Variants in RTKN2 observed in about 807,000 individuals in gnomAD.
The protein encoded by RTKN2 is rhotekin-2.
Under a neutral mutation model 71.5 loss-of-function variants are expected in RTKN2, and 69 were observed. The ratio of observed to expected loss-of-function variants is 0.96; its 90% CI spans 0.79 to 1.18. The LOEUF (loss-of-function observed/expected upper bound fraction) is 1.18, where lower values mean the gene tolerates loss of function less well. RTKN2 is among the 50% of genes most tolerant of loss of function. The pLI, the probability that RTKN2 is intolerant of heterozygous loss-of-function variation, is 0.00. For synonymous variants in RTKN2, 236 were observed against 236.5 expected, an observed-to-expected ratio of 1.00 and a Z score of 0.02; for missense variants, 724 against 719.7, an observed-to-expected ratio of 1.01 and a Z score of -0.07.
intron 8 of RTKN2, among the ~76,000 whole-genome samples, chr10:62,186,121 T>TG (rs943860073): frequency 6.6e-6 from 1 of 152,232 alleles, no homozygotes; most frequent in Non-Finnish European, 1.5e-5. Flanking sequence ...GGGAGGGAGC[T>TG]GGGCTATCGT....
At chr10:62,212,792 T>C (rs1028915588) in intron 9 of RTKN2, among the ~76,000 whole-genome samples, 1 of 152,032 alleles carries the variant, frequency 6.6e-6, no homozygotes, top group African/African-American at 2.4e-5. Flanking sequence ...AATCAAAATA[T>C]CTACATTAGA....
At chr10:62,229,210 A>C (rs1236595798) in intron 6 of RTKN2, among the ~76,000 whole-genome samples, 1 of 152,234 alleles carries the variant, frequency 6.6e-6, no homozygotes, top group African/African-American at 2.4e-5. Flanking sequence ...TAAATTATGT[A>C]TTCTAAGCTA....
chr10:62,214,957 TGAGAC>T (rs1841736572), intron 9 of RTKN2: 5 of 680,736 alleles, frequency 7.3e-6, no homozygotes, highest in Admixed American at 3.3e-5. Flanking sequence ...ATCTGATCTC[TGAGAC>T]TATTTCTTCA....
At chr10:62,248,236 T>C (rs1043564020) in intron 2 of RTKN2, among the ~76,000 whole-genome samples, 6 of 152,136 alleles carry the variant, frequency 3.9e-5, no homozygotes, top group Non-Finnish European at 8.8e-5. Flanking sequence ...GAGAATTAAG[T>C]CTGTCTTTTA....
At chr10:62,205,522 T>C (rs1234979296) in intron 9 of RTKN2, among the ~76,000 whole-genome samples, 2 of 152,210 alleles carry the variant, frequency 1.3e-5, no homozygotes, top group East Asian at 1.9e-4. Flanking sequence ...CGTAACTTAG[T>C]GTTTACTGTA....
chr10:62,268,717 G>A lies in RTKN2; in HGVS notation c.-107C>T. 1.6e-6 allele frequency: 2 copies of A among 1,213,712 alleles called. No homozygotes were observed. Among genetic ancestry groups the A allele is most frequent in the South Asian group, 2.9e-5 (2 of 68,714 alleles). The allele number at this position is 1,213,712 out of a possible 1,614,324, so 75.2% of individuals were successfully genotyped here. ...GACGCCAACCGCCCGGCCGTACCAA[G>A]TCCCAGTCGCAGGGGCCGGGGGCGC... is the stretch of plus-strand genomic sequence containing the variant. On this transcript the variant is annotated 5_prime_UTR_variant, in exon 1 of 12. Coordinates refer to ENST00000373789, the MANE Select transcript of RTKN2 (RefSeq NM_145307.4).
intron 2 of RTKN2, among the ~76,000 whole-genome samples, chr10:62,254,591 G>A (rs1030521658): frequency 5.9e-5 from 9 of 151,954 alleles, no homozygotes; most frequent in African/African-American, 1.9e-4. Flanking sequence ...GTATATATAC[G>A]TATACACACA....
chr10:62,265,439 C>A (rs953303660), intron 1 of RTKN2, among the ~76,000 whole-genome samples: 11 of 152,150 alleles, frequency 7.2e-5, no homozygotes, highest in African/African-American at 2.7e-4. Context: ...AATTAACATA[C>A]ACAGTAAACT....
intron 7 of RTKN2, among the ~76,000 whole-genome samples, chr10:62,220,136 A>C (rs1269628585): frequency 6.6e-6 from 1 of 152,206 alleles, no homozygotes; most frequent in Admixed American, 6.5e-5. Flanking sequence ...GTTAATATAT[A>C]CATGCAAGGC....
chr10:62,220,689 CA>C (rs1841886617), intron 7 of RTKN2, among the ~76,000 whole-genome samples: 1 of 151,972 alleles, frequency 6.6e-6, no homozygotes, highest in Admixed American at 6.6e-5. Flanking sequence ...ACTGATGAAA[CA>C]TATCAACAAT....
At chr10:62,258,054 T>C (rs896255917) in intron 2 of RTKN2, among the ~76,000 whole-genome samples, 11 of 152,192 alleles carry the variant, frequency 7.2e-5, no homozygotes, top group African/African-American at 2.4e-4. Flanking sequence ...TGGAACAGTA[T>C]GGTAATAGAA....
chr10:62,248,965 T>G (rs967616728), intron 2 of RTKN2, among the ~76,000 whole-genome samples: 7 of 152,190 alleles, frequency 4.6e-5, no homozygotes, highest in Non-Finnish European at 1.0e-4. Context: ...CTGATACAAA[T>G]AAGTAAAAAT....
Position 62,196,958 on chromosome 10 carries a change from T to C in RTKN2, c.*950A>G. The C allele has an allele frequency of 1.0e-6, 1 of 979,332 alleles. No homozygotes were observed. Among genetic ancestry groups the C allele is most frequent in the Non-Finnish European group, 1.2e-6 (1 of 824,568 alleles). 60.7% of individuals were successfully genotyped at this position (979,332 alleles called of 1,614,324 possible). A position where few individuals can be genotyped will look rare whatever the true frequency, so the allele number is the denominator to read the frequency against. On this transcript the variant is annotated 3_prime_UTR_variant, in exon 12 of 12. Transcript: ENST00000373789. ...ATGTCACTGTTGTAAGAATATGACA[T>C]TTAATGAAAAATACCACTAGCAGAC...
rs773928694 is a variant in RTKN2, at chr10:62,204,929, T to A, written c.1114A>T (p.Ile372Phe). 7 of 1,604,468 alleles carry A rather than the reference T, an allele frequency of 4.4e-6. No individual in the cohort carries two copies. Among genetic ancestry groups the A allele is most frequent in the Non-Finnish European group, 5.9e-6 (7 of 1,176,760 alleles). The change falls in exon 10 of 12, where the codon ATT becomes TTT. Residue 372 changes from isoleucine to phenylalanine, a missense_variant. By Grantham distance (21) the Ile-to-Phe change is conservative (BLOSUM62 0). Coordinates refer to ENST00000373789, the MANE Select transcript of RTKN2 (RefSeq NM_145307.4). ...TCTTCTCTATTGTCAACTGCAAAAA[T>A]CTGAGTTATAGCTTGTCCAGGAACA... Reference protein sequence around the residue: ...NPVPGQAITQIFAVDNREDLQ... With the variant: ...NPVPGQAITQFFAVDNREDLQ...
In RTKN2 at chr10:62,236,048, A is replaced by T; in HGVS notation, c.686+18T>A. ...AATGTATAATTATGTCACCATAAAT[A>T]CAGTATTAAAAACTTACAAAACAGC... On this transcript the variant is annotated intron_variant, in intron 6 of 11. Transcript: ENST00000373789. 1 of 1,508,088 alleles carries T rather than the reference A, an allele frequency of 6.6e-7. No individual in the cohort carries two copies. The highest frequency in any genetic ancestry group is 9.2e-7 in the Non-Finnish European group (1 of 1,086,012). 93.4% of individuals were successfully genotyped at this position (1,508,088 alleles called of 1,614,324 possible). A position where few individuals can be genotyped will look rare whatever the true frequency, so the allele number is the denominator to read the frequency against.
intron 10 of RTKN2, among the ~76,000 whole-genome samples, chr10:62,201,682 G>A (rs998988686): frequency 2.0e-5 from 3 of 152,020 alleles, no homozygotes; most frequent in South Asian, 4.1e-4. Context: ...CCTCTATATC[G>A]ATAAATGAAA....
chr10:62,207,972 G>C (rs4979773), intron 9 of RTKN2, among the ~76,000 whole-genome samples: 87,114 of 151,840 alleles, frequency 0.57, 25,447 homozygotes, highest in East Asian at 0.9. Context: ...TTTGTAAATA[G>C]ATTTGAGATT....
chr10:62,217,056 G>C, intron 9 of RTKN2, 62 bp downstream of exon 9: 1 of 1,257,838 alleles, frequency 8.0e-7, no homozygotes, highest in Non-Finnish European at 1.1e-6. Context: ...AATGTAAACT[G>C]CACAGACAAA....
At chr10:62,234,636 C>T (rs1402242735) in intron 6 of RTKN2, among the ~76,000 whole-genome samples, 1 of 151,932 alleles carries the variant, frequency 6.6e-6, no homozygotes, top group Admixed American at 6.6e-5. Context: ...GCATTTTTTT[C>T]TTCTGTTTCC....
Sources: allele counts gnomAD v4.1 joint callset (sites outside exome capture counted in the v4.1 genomes callset), GRCh38; gene constraint gnomAD v4.1.1; transcripts MANE v1.5; gene names NCBI Gene and HGNC (gene_info 2026-07-23, HGNC 2026-07-21).